RPS6KA6: variants seen among roughly 807,000 people sequenced by gnomAD.
RPS6KA6 encodes the protein ribosomal protein S6 kinase alpha-6.
Under a neutral mutation model 65.4 loss-of-function variants are expected in RPS6KA6, and 27 were observed. That is an observed-to-expected ratio of 0.41 (90% CI 0.30 to 0.57). The LOEUF (loss-of-function observed/expected upper bound fraction) is 0.57. Among genes scored for constraint, RPS6KA6 ranks in the 20% least tolerant of loss-of-function variants. RPS6KA6 has a pLI of 0.24. For synonymous variants in RPS6KA6, 190 were observed against 184.2 expected, an observed-to-expected ratio of 1.03 and a Z score of -0.26; for missense variants, 486 against 555.6, an observed-to-expected ratio of 0.87 and a Z score of 1.26.
At chrX:84,159,298 G>C (rs2035472656) in intron 2 of RPS6KA6, among the ~76,000 whole-genome samples, 1 of 110,026 alleles carries the variant, frequency 9.1e-6, no homozygotes, top group Non-Finnish European at 1.9e-5. Flanking sequence ...GTCCCTTTTT[G>C]TCAACTGAAA....
At chrX:84,167,310 T>C (rs2096330962) in intron 1 of RPS6KA6, among the ~76,000 whole-genome samples, 1 of 112,112 alleles carries the variant, frequency 8.9e-6, no homozygotes, top group Non-Finnish European at 1.9e-5. Context: ...ATCAAGATGG[T>C]CTTCAACTGA....
chrX:84,105,918 T>C, intron 15 of RPS6KA6, 42 bp from the exon 16 acceptor site: 1 of 765,458 alleles, frequency 1.3e-6, no homozygotes, highest in Admixed American at 2.6e-5. Flanking sequence ...GGCAAACAAA[T>C]TATTTTGTCT....
chrX:84,117,211 T>C, intron 10 of RPS6KA6, 63 bp from the exon 11 acceptor site: 1 of 932,850 alleles, frequency 1.1e-6, no homozygotes, highest in Non-Finnish European at 1.5e-6. Flanking sequence ...TTGAAAAATC[T>C]CAAAAAGAAC....
chrX:84,135,868 C>G (rs2034983277), intron 6 of RPS6KA6, among the ~76,000 whole-genome samples: 1 of 111,303 alleles, frequency 9.0e-6, no homozygotes, highest in Non-Finnish European at 1.9e-5. Flanking sequence ...GGAAATACGG[C>G]TGCTATGATG....
chrX:84,149,250 T>A (rs1277123462), intron 3 of RPS6KA6, among the ~76,000 whole-genome samples: 1 of 111,864 alleles, frequency 8.9e-6, no homozygotes, highest in African/African-American at 3.3e-5. Context: ...CCTCCAATGA[T>A]GTCTTGAGCC....
At chrX:84,131,119 G>A (rs1213536420) in intron 8 of RPS6KA6, among the ~76,000 whole-genome samples, 1 of 111,755 alleles carries the variant, frequency 8.9e-6, no homozygotes, top group Non-Finnish European at 1.9e-5. Flanking sequence ...CCACAGCCAG[G>A]ACACTGACAT....
At chrX:84,100,615 AC>A (rs1269087451) in intron 18 of RPS6KA6, among the ~76,000 whole-genome samples, 1 of 110,646 alleles carries the variant, frequency 9.0e-6, no homozygotes, top group Non-Finnish European at 1.9e-5. Flanking sequence ...CTTTATGATG[AC>A]CATATATGCT....
chrX:84,085,647 G>A (rs773813306), intron 20 of RPS6KA6, among the ~76,000 whole-genome samples: 29 of 111,729 alleles, frequency 2.6e-4, no homozygotes, highest in Non-Finnish European at 4.7e-4. Flanking sequence ...ATTTGTTGTT[G>A]TTACATCTCT....
intron 1 of RPS6KA6, among the ~76,000 whole-genome samples, chrX:84,172,086 G>A (rs995434026): frequency 1.4e-4 from 16 of 111,768 alleles, no homozygotes; most frequent in African/African-American, 5.2e-4. Context: ...TATCACTGAT[G>A]GGCATTTAGG....
intron 16 of RPS6KA6, 88 bp downstream of exon 16, chrX:84,105,699 A>G (rs2034345510): frequency 4.1e-6 from 2 of 490,490 alleles, no homozygotes; most frequent in Non-Finnish European, 3.3e-6. Flanking sequence ...TAAATATGCT[A>G]AAGACATTAA....
chrX:84,146,949 A>T, intron 5 of RPS6KA6, 29 bp downstream of exon 5: 1 of 839,158 alleles, frequency 1.2e-6, no homozygotes, highest in Non-Finnish European at 1.7e-6. Context: ...GGATTAAAAT[A>T]AATAAAAGAA....
chrX:84,114,350 C>T (rs759078981), intron 12 of RPS6KA6, among the ~76,000 whole-genome samples: 19 of 109,801 alleles, frequency 1.7e-4, no homozygotes, highest in Non-Finnish European at 3.4e-4. Flanking sequence ...TAGCCAGACA[C>T]GGTGGCATAC....
intron 8 of RPS6KA6, among the ~76,000 whole-genome samples, chrX:84,122,375 T>G (rs1228609403): frequency 3.3e-5 from 3 of 91,393 alleles, no homozygotes; most frequent in Non-Finnish European, 6.5e-5. Flanking sequence ...TTTTTTTTTT[T>G]TTTTTTTTTT....
intron 1 of RPS6KA6, among the ~76,000 whole-genome samples, chrX:84,175,463 A>C (rs2035750780): frequency 8.9e-6 from 1 of 111,744 alleles, no homozygotes; most frequent in South Asian, 3.7e-4. Flanking sequence ...TATCTCTATT[A>C]ACAGCTATTT....
rs747536141 is a variant in RPS6KA6 at position 84,107,835 on chromosome X, A to G, written c.1009-110T>C. ...CACAGTCCATAATAGAAGACTAACAATTTCATAGTTTCAGATAACTGTTAA... is the reference window on the plus strand; with the variant it reads ...CACAGTCCATAATAGAAGACTAACAGTTTCATAGTTTCAGATAACTGTTAA... On this transcript the variant is annotated intron_variant, in intron 12 of 21. Transcript: ENST00000262752. The G allele has an allele frequency of 2.0e-5, 7 of 351,535 alleles. No homozygotes were observed. The East Asian group carries it at 3.3e-4, about 17-fold the overall frequency. The allele number at this position is 351,535 out of a possible 1,213,427, so 29.0% of individuals were successfully genotyped here. A position where few individuals can be genotyped will look rare whatever the true frequency, so the allele number is the denominator to read the frequency against.
chrX:84,178,312 G>A (rs2035799168), intron 1 of RPS6KA6, among the ~76,000 whole-genome samples: 1 of 111,361 alleles, frequency 9.0e-6, no homozygotes, highest in Non-Finnish European at 1.9e-5. Flanking sequence ...ATATGGGGGA[G>A]GAGATAAGCA....
intron 2 of RPS6KA6, among the ~76,000 whole-genome samples, chrX:84,161,993 A>C (rs890736058): frequency 2.3e-4 from 26 of 111,765 alleles, no homozygotes; most frequent in East Asian, 2.8e-4. Flanking sequence ...AATGGATCAT[A>C]AACTACCAAA....
Position 84,104,559 on chromosome X carries a change from C to T in RPS6KA6, c.1554G>A (p.Arg518=), listed in dbSNP as rs1220107148. 6.8e-6 allele frequency: 8 copies of T among 1,184,452 alleles called. No individual in the cohort carries two copies. The highest frequency in any genetic ancestry group is 6.8e-6 in the Non-Finnish European group (6 of 879,387). The change falls in exon 17 of 22, where the codon CGG becomes CGA. Residue 518 remains arginine, a synonymous_variant. Coordinates refer to ENST00000262752, the MANE Select transcript of RPS6KA6 (RefSeq NM_014496.5). ...RILKQKCFSE[R]EASDILYVIS... is the part of the protein sequence containing the mutation. Reference sequence around the variant, plus strand: ...TTACATATAGTATATCACTAGCCTCCCGTTCCGAGAAACATTTTTGTTTGA... The same window carrying T: ...TTACATATAGTATATCACTAGCCTCTCGTTCCGAGAAACATTTTTGTTTGA...
At chrX:84,159,687 T>C (rs984144983) in intron 2 of RPS6KA6, among the ~76,000 whole-genome samples, 2 of 110,967 alleles carry the variant, frequency 1.8e-5, no homozygotes, top group African/African-American at 6.5e-5. Context: ...ATGGGCTAAA[T>C]TATGTCCCCT....
Sources: allele counts gnomAD v4.1 joint callset (sites outside exome capture counted in the v4.1 genomes callset), GRCh38; gene constraint gnomAD v4.1.1; transcripts MANE v1.5; gene names NCBI Gene and HGNC (gene_info 2026-07-23, HGNC 2026-07-21).